The following ZMYND11 variants were observed in gnomAD, a reference collection of about 807,000 sequenced individuals.
The protein encoded by ZMYND11 is zinc finger MYND domain-containing protein 11.
Under a neutral mutation model 84.9 loss-of-function variants are expected in ZMYND11, and 9 were observed. The observed-to-expected ratio is 0.11, with a 90% CI of 0.06 to 0.18. The LOEUF (loss-of-function observed/expected upper bound fraction) is 0.18, where lower values mean the gene tolerates loss of function less well. Ranked by LOEUF, ZMYND11 falls within the 10% of genes least tolerant of loss-of-function variation. The pLI is 1.00. For missense variants in ZMYND11, 409 were observed against 761.0 expected (o/e 0.54, Z 5.44); for synonymous variants, 250 against 244.1 (o/e 1.02, Z -0.23).
At chr10:224,287 A>G (rs1372860754) in intron 4 of ZMYND11, among the ~76,000 whole-genome samples, 1 of 152,236 alleles carries the variant, frequency 6.6e-6, no homozygotes, top group Non-Finnish European at 1.5e-5. Flanking sequence ...CAGGACAGTA[A>G]TAGGCATTTT....
intron 1 of ZMYND11, among the ~76,000 whole-genome samples, chr10:163,492 T>C (rs1283296838): frequency 6.6e-6 from 1 of 152,206 alleles, no homozygotes; most frequent in Non-Finnish European, 1.5e-5. Flanking sequence ...CTCAAATTTA[T>C]TTTCTAACCC....
chr10:158,148 C>T (rs1354834192), intron 1 of ZMYND11, among the ~76,000 whole-genome samples: 1 of 152,034 alleles, frequency 6.6e-6, no homozygotes, highest in Non-Finnish European at 1.5e-5. Context: ...GGGTTTTTTC[C>T]ACTTTTAGGC....
intron 4 of ZMYND11, among the ~76,000 whole-genome samples, chr10:223,531 T>C (rs760753014): frequency 6.6e-6 from 1 of 152,224 alleles, no homozygotes; most frequent in Non-Finnish European, 1.5e-5. Flanking sequence ...ATAAAAATCT[T>C]GAATTTTTCA....
At chr10:199,805 T>C (rs1942694264) in intron 2 of ZMYND11, among the ~76,000 whole-genome samples, 1 of 144,154 alleles carries the variant, frequency 6.9e-6, no homozygotes, top group African/African-American at 2.6e-5. Flanking sequence ...CTTTAACTTA[T>C]TTTACTAGTA....
intron 12 of ZMYND11, among the ~76,000 whole-genome samples, chr10:248,010 T>C (rs552906359): frequency 6.6e-6 from 1 of 152,330 alleles, no homozygotes; most frequent in South Asian, 2.1e-4. Flanking sequence ...GACAATAATT[T>C]TTATATTCTA....
chr10:241,551 G>A (rs1950934978), intron 9 of ZMYND11, among the ~76,000 whole-genome samples: 1 of 152,186 alleles, frequency 6.6e-6, no homozygotes, highest in Admixed American at 6.5e-5. Context: ...CTTTGCCTTT[G>A]TCTGTAGCTG....
chr10:252,605 T>C lies in ZMYND11; in HGVS notation c.*135T>C, dbSNP rs1953727354. On this transcript the variant is annotated 3_prime_UTR_variant, in exon 15 of 15. Transcript: ENST00000381604. The surrounding 1 kb of genome is among the most constrained non-coding windows in gnomAD (Gnocchi z 4.6). ...TTTAAACACTTTTCGTGAAGAAATT[T>C]TGCACAGTAGTTTAAATCTTTTGTT... 1 of 1,301,202 alleles carries C rather than the reference T, an allele frequency of 7.7e-7. No homozygotes were observed. Among genetic ancestry groups the C allele is most frequent in the South Asian group, 1.7e-5 (1 of 60,246 alleles). 80.6% of individuals were successfully genotyped at this position (1,301,202 alleles called of 1,614,324 possible).
intron 4 of ZMYND11, among the ~76,000 whole-genome samples, chr10:234,655 G>C (rs1949613955): frequency 6.6e-6 from 1 of 152,162 alleles, no homozygotes; most frequent in Non-Finnish European, 1.5e-5. Flanking sequence ...GTTTGAGTTG[G>C]CATGAGAGAA....
In ZMYND11 at chr10:254,281, C is replaced by T. The variant is rs1363144798; in HGVS notation, c.*1811C>T. ...CTGATAGCTGCATGAAAGTGAGATT[C>T]GTGTTACTTTGGCTTTTCTGTCTCT... On this transcript the variant is annotated 3_prime_UTR_variant, in exon 15 of 15. Transcript: ENST00000381604. The T allele has an allele frequency of 6.6e-6, 1 of 152,422 alleles. No homozygotes were observed. The highest frequency in any genetic ancestry group is 1.9e-4 in the East Asian group (1 of 5,192). The allele number at this position is 152,422 out of a possible 1,614,324, so 9.4% of individuals were successfully genotyped here.
chr10:134,830 G>A (rs1173052593), upstream of ZMYND11: 1 of 152,096 alleles, frequency 6.6e-6, no homozygotes, highest in Non-Finnish European at 1.5e-5. Flanking sequence ...TGCATGTGTG[G>A]AGACAGAGGA....
intron 1 of ZMYND11, among the ~76,000 whole-genome samples, chr10:146,500 C>T (rs74611038): frequency 0.014 from 2,056 of 152,284 alleles, 29 homozygotes; most frequent in Non-Finnish European, 0.022. Flanking sequence ...AATCCATGAA[C>T]ATGGGATGTA....
At position 192,319 on chromosome 10, in the gene ZMYND11, T is replaced by C. The variant is rs111910755; in HGVS notation, c.116+12191T>C. Reference sequence around the variant, plus strand: ...TGGACTACATTTTGCATCCGTGATATCATTTGGCTCCTCCTGCAGCCCTGT... The same window carrying C: ...TGGACTACATTTTGCATCCGTGATACCATTTGGCTCCTCCTGCAGCCCTGT... On this transcript the variant is annotated intron_variant, in intron 2 of 14. Transcript: ENST00000381604. Among the ~76,000 whole-genome samples, 1,182 of 152,310 alleles carry C rather than the reference T, an allele frequency of 7.8e-3. 15 individuals carry two copies. The highest frequency in any genetic ancestry group is 0.027 in the African/African-American group (1,121 of 41,562).
At chr10:239,553 C>A in intron 7 of ZMYND11, 28 bp downstream of exon 7, 1 of 1,361,884 alleles carries the variant, frequency 7.3e-7, no homozygotes, top group African/African-American at 1.4e-5. Context: ...TTTTTGTATG[C>A]ATTTTTAAAC....
At chr10:243,610 A>C (rs1299572410) in intron 10 of ZMYND11, among the ~76,000 whole-genome samples, 2 of 152,216 alleles carry the variant, frequency 1.3e-5, no homozygotes, top group East Asian at 3.8e-4. Context: ...TCACGCCTGT[A>C]ATCCCTGCAC....
At chr10:215,047 C>T (rs531243295) in intron 3 of ZMYND11, among the ~76,000 whole-genome samples, 5 of 152,276 alleles carry the variant, frequency 3.3e-5, no homozygotes, top group East Asian at 3.9e-4. Flanking sequence ...CAAATAATGT[C>T]GTTTGCAATT....
At chr10:212,997 A>G (rs111684915) in intron 3 of ZMYND11, among the ~76,000 whole-genome samples, 1 of 151,970 alleles carries the variant, frequency 6.6e-6, no homozygotes, top group Non-Finnish European at 1.5e-5. Flanking sequence ...ATGTGCCACA[A>G]TTTTCATGCC....
At chr10:199,320 TCC>T (rs1166169918) in intron 2 of ZMYND11, among the ~76,000 whole-genome samples, 6 of 110,158 alleles carry the variant, frequency 5.4e-5, no homozygotes, top group Non-Finnish European at 1.1e-4. Flanking sequence ...CCTCCCTCCC[TCC>T]CTCCCTCTCT....
chr10:195,669 G>A (rs1026694829), intron 2 of ZMYND11, among the ~76,000 whole-genome samples: 16 of 152,266 alleles, frequency 1.1e-4, no homozygotes, highest in South Asian at 1.0e-3. Flanking sequence ...GGCCAATAGC[G>A]TGAAGACACA....
At chr10:177,169 A>G (rs1846830668) in intron 1 of ZMYND11, among the ~76,000 whole-genome samples, 1 of 152,220 alleles carries the variant, frequency 6.6e-6, no homozygotes, top group Non-Finnish European at 1.5e-5. Flanking sequence ...ATTATATGTT[A>G]AATGAGTGAA....
Sources: allele counts gnomAD v4.1 joint callset (sites outside exome capture counted in the v4.1 genomes callset), GRCh38; gene constraint gnomAD v4.1.1; non-coding constraint Gnocchi (gnomAD v3.1); transcripts MANE v1.5; gene names NCBI Gene and HGNC (gene_info 2026-07-23, HGNC 2026-07-21).